NUDT19: variants seen among roughly 807,000 people sequenced by gnomAD.
NUDT19 encodes acyl-coenzyme A diphosphatase NUDT19.
NUDT19 carries 31 observed loss-of-function variants against 22.2 expected under a neutral mutation model. The ratio of observed to expected loss-of-function variants is 1.40; its 90% CI spans 1.05 to 1.89. The LOEUF is 1.89. Among genes scored for constraint, NUDT19 ranks in the 40% most tolerant of loss-of-function variants. The pLI is 0.00. For synonymous variants in NUDT19, 325 were observed against 230.8 expected, an observed-to-expected ratio of 1.41 and a Z score of -3.70; for missense variants, 752 against 514.2, an observed-to-expected ratio of 1.46 and a Z score of -4.47.
chr19:32,713,183 CAG>C lies in NUDT19; in HGVS notation c.*1229_*1230del, dbSNP rs1354277170. 5 of 152,146 alleles carry C rather than the reference CAG, an allele frequency of 3.3e-5. No individual in the cohort carries two copies. The highest frequency in any genetic ancestry group is 6.6e-5 in the Admixed American group (1 of 15,262). 9.4% of individuals were successfully genotyped at this position (152,146 alleles called of 1,614,324 possible). A position where few individuals can be genotyped will look rare whatever the true frequency, so the allele number is the denominator to read the frequency against. On this transcript the variant is annotated 3_prime_UTR_variant, in exon 3 of 3. Transcript: ENST00000397061. ...TATTCTATTTTATTTATTTTTGAGA[CAG>C]AGTCTCGCTCTGTTGCCCAGGCTGG...
chr19:32,693,741 C>G (rs1009234104), intron 1 of NUDT19, among the ~76,000 whole-genome samples: 1 of 152,172 alleles, frequency 6.6e-6, no homozygotes, highest in African/African-American at 2.4e-5. Context: ...ACACAGAGCA[C>G]TGATTGGTGC....
rs1394434163 is a variant in NUDT19 at position 32,711,895 on chromosome 19, G to A, written c.1066G>A (p.Val356Ile). 1.2e-6 allele frequency: 2 copies of A among 1,613,998 alleles called. No homozygotes were observed. Among genetic ancestry groups the A allele is most frequent in the Admixed American group, 3.3e-5 (2 of 60,000 alleles). Residue 356 changes from valine (V) to isoleucine (I), a missense_variant, in exon 3 of 3, where the codon GTT (valine) becomes ATT (isoleucine). Coordinates refer to ENST00000397061, the MANE Select transcript of NUDT19 (RefSeq NM_001105570.2). Reference protein sequence around the residue: ...HRHLYDIHVTVQPKYKHVYPK... With the variant: ...HRHLYDIHVTIQPKYKHVYPK... ...CCACCTTTATGATATCCACGTGACTGTTCAGCCAAAGTATAAACACGTTTA... is the reference window on the plus strand; with the variant it reads ...CCACCTTTATGATATCCACGTGACTATTCAGCCAAAGTATAAACACGTTTA...
chr19:32,708,232 C>G (rs184997831), intron 1 of NUDT19, among the ~76,000 whole-genome samples: 65 of 150,794 alleles, frequency 4.3e-4, no homozygotes, highest in African/African-American at 1.6e-3. Context: ...TCGAGACCAT[C>G]CTGGCTAACA....
intron 1 of NUDT19, among the ~76,000 whole-genome samples, chr19:32,701,685 A>T (rs1041077551): frequency 8.5e-5 from 13 of 152,238 alleles, no homozygotes; most frequent in East Asian, 1.9e-4. Context: ...TTAAAAGTTC[A>T]TGGATTAACT....
intron 1 of NUDT19, among the ~76,000 whole-genome samples, chr19:32,693,578 C>G (rs994072387): frequency 6.6e-6 from 1 of 151,832 alleles, no homozygotes; most frequent in East Asian, 1.9e-4. Flanking sequence ...TGGCCCTGCC[C>G]ATGTCCTGCT....
chr19:32,692,195 C>G lies in NUDT19; in HGVS notation c.235C>G (p.Leu79Val). Residue 79 changes from leucine to valine, a missense_variant, in exon 1 of 3, where the codon CTC (leucine) becomes GTC (valine). By Grantham distance (32) the Leu-to-Val change is conservative (BLOSUM62 1). Coordinates refer to ENST00000397061, the MANE Select transcript of NUDT19 (RefSeq NM_001105570.2). ...CGACCGCTCGGCGGACTGGCTGGGC[C>G]TCTTCGCGCCGCACCACGGGCCGCC... ...AADRSADWLGLFAPHHGPPRF... is the reference protein window; with the variant it reads ...AADRSADWLGVFAPHHGPPRF... 1 of 1,571,950 alleles carries G rather than the reference C, an allele frequency of 6.4e-7. No homozygotes were observed. Among genetic ancestry groups the G allele is most frequent in the South Asian group, 1.1e-5 (1 of 88,190 alleles).
At position 32,691,828 on chromosome 19, in the gene NUDT19, C is replaced by T; in HGVS notation, c.-133C>T. 2.2e-6 allele frequency: 1 copy of T among 456,944 alleles called. No individual in the cohort carries two copies. 28.3% of individuals were successfully genotyped at this position (456,944 alleles called of 1,614,324 possible). On this transcript the variant is annotated 5_prime_UTR_variant, in exon 1 of 3. Transcript: ENST00000397061. ...CAGGCGCCGTTGCCGACCAAACGCC[C>T]AGGTTCACCCAACGCCAGAGGCTCG...
intron 1 of NUDT19, among the ~76,000 whole-genome samples, chr19:32,696,014 A>G (rs1322268307): frequency 1.3e-5 from 2 of 152,138 alleles, no homozygotes; most frequent in African/African-American, 4.8e-5. Flanking sequence ...TTCCATCGGT[A>G]TATAGGTTAA....
At position 32,692,526 on chromosome 19, in the gene NUDT19, C is replaced by G; in HGVS notation, c.566C>G (p.Pro189Arg). ...CTGTGCGCCCACCTCGACTGCACACCCGACATCTGGGCGCTGCACAACTGG... is the reference window on the plus strand; with the variant it reads ...CTGTGCGCCCACCTCGACTGCACACGCGACATCTGGGCGCTGCACAACTGG... ...LRLCAHLDCT[P>R]DIWALHNWSA... Residue 189 changes from proline (P) to arginine (R), a missense_variant, in exon 1 of 3, where the codon CCC becomes CGC. Pro to Arg is a moderately radical substitution (Grantham distance 103). Transcript: ENST00000397061. 1 of 1,584,272 alleles carries G rather than the reference C, an allele frequency of 6.3e-7. No individual in the cohort carries two copies. The highest frequency in any genetic ancestry group is 8.6e-7 in the Non-Finnish European group (1 of 1,168,246).
At chr19:32,701,720 C>G (rs1466615171) in intron 1 of NUDT19, among the ~76,000 whole-genome samples, 2 of 152,142 alleles carry the variant, frequency 1.3e-5, no homozygotes, top group African/African-American at 4.8e-5. Flanking sequence ...AAATATCCTT[C>G]TTTATTCCTG....
chr19:32,711,868 C>T lies in NUDT19; in HGVS notation c.1039C>T (p.Arg347Cys), dbSNP rs372447363. The change falls in exon 3 of 3, where the codon CGC (arginine) becomes TGC (cysteine). Residue 347 changes from arginine to cysteine, a missense_variant. Physicochemically the swap from Arg to Cys is radical, Grantham distance 180. Coordinates refer to ENST00000397061, the MANE Select transcript of NUDT19 (RefSeq NM_001105570.2). ...KQFHRIVTYH[R>C]HLYDIHVTVQ... ...GTTTCACCGGATAGTGACATACCAT[C>T]GCCACCTTTATGATATCCACGTGAC... 1.2e-5 allele frequency: 19 copies of T among 1,613,102 alleles called. No individual in the cohort carries two copies. The highest frequency in any genetic ancestry group is 1.6e-4 in the Middle Eastern group (1 of 6,082).
rs1871369478 is a variant in NUDT19 at position 32,712,245 on chromosome 19, T to TG, written c.*288_*289insG. 3.7e-6 allele frequency: 1 copy of TG among 270,188 alleles called. No homozygotes were observed. Among genetic ancestry groups the TG allele is most frequent in the Admixed American group, 5.0e-5 (1 of 20,124 alleles). 16.7% of individuals were successfully genotyped at this position (270,188 alleles called of 1,614,324 possible). ...GCCCGCCACCATGCCCAGCTAATTT[T>TG]TTTTTGTATTTTTAGTAGAGACGGG... On this transcript the variant is annotated 3_prime_UTR_variant, in exon 3 of 3. Transcript: ENST00000397061.
At chr19:32,699,439 G>T (rs763537461) in intron 1 of NUDT19, among the ~76,000 whole-genome samples, 1 of 152,122 alleles carries the variant, frequency 6.6e-6, no homozygotes, top group South Asian at 2.1e-4. Flanking sequence ...GGCTTTCCTC[G>T]CTGTCGACCC....
chr19:32,707,317 C>T (rs1172611427), intron 1 of NUDT19, among the ~76,000 whole-genome samples: 1 of 152,116 alleles, frequency 6.6e-6, no homozygotes, highest in Non-Finnish European at 1.5e-5. Flanking sequence ...CCATTTTGGC[C>T]ACCTGCAGAA....
Position 32,709,199 on chromosome 19 carries a change from A to G in NUDT19, c.729A>G (p.Ser243=). ...EVVGYQWSSP[S]EATESFLSKE... is the part of the protein sequence containing the mutation. ...GTCTTTCACAGTGGTCATCTCCATCAGAGGCAACTGAAAGTTTCTTATCAA... is the reference window on the plus strand; with the variant it reads ...GTCTTTCACAGTGGTCATCTCCATCGGAGGCAACTGAAAGTTTCTTATCAA... The change falls in exon 2 of 3, where the codon TCA becomes TCG. Residue 243 remains serine (S), a synonymous_variant. Coordinates refer to ENST00000397061, the MANE Select transcript of NUDT19 (RefSeq NM_001105570.2). 6.2e-7 allele frequency: 1 copy of G among 1,612,748 alleles called. No homozygotes were observed.
At position 32,693,608 on chromosome 19, in the gene NUDT19, G is replaced by A. The variant is rs573437622; in HGVS notation, c.714+934G>A. Among the ~76,000 whole-genome samples, 44 of 149,748 alleles carry A rather than the reference G, an allele frequency of 2.9e-4. 1 individual carries two copies. Among genetic ancestry groups the A allele is most frequent in the African/African-American group, 9.7e-4 (40 of 41,430 alleles). ...CCTGCTGATTGGTCCATTTTGCAGA[G>A]TGCTGATTGGTCCATTTTTACAGAG... On this transcript the variant is annotated intron_variant, in intron 1 of 2. Transcript: ENST00000397061.
chr19:32,700,039 C>T (rs939650320), intron 1 of NUDT19, among the ~76,000 whole-genome samples: 2 of 152,192 alleles, frequency 1.3e-5, no homozygotes, highest in African/African-American at 4.8e-5. Flanking sequence ...GTGAGTGTTA[C>T]AGCTCATAAA....
At chr19:32,706,414 G>A (rs1371873343) in intron 1 of NUDT19, among the ~76,000 whole-genome samples, 1 of 152,216 alleles carries the variant, frequency 6.6e-6, no homozygotes, top group East Asian at 1.9e-4. Flanking sequence ...GCTGAGCACG[G>A]TGGCTCATGC....
At position 32,712,252 on chromosome 19, in the gene NUDT19, T is replaced by A. The variant is rs578065216; in HGVS notation, c.*295T>A. The A allele has an allele frequency of 7.6e-6, 2 of 264,666 alleles. No homozygotes were observed. The highest frequency in any genetic ancestry group is 1.9e-4 in the East Asian group (2 of 10,710). The allele number at this position is 264,666 out of a possible 1,614,324, so 16.4% of individuals were successfully genotyped here. On this transcript the variant is annotated 3_prime_UTR_variant, in exon 3 of 3. Transcript: ENST00000397061. ...ACCATGCCCAGCTAATTTTTTTTTG[T>A]ATTTTTAGTAGAGACGGGTTTTCAC...
Sources: gnomAD v4.1 joint callset for allele counts (sites outside exome capture counted in the v4.1 genomes callset) on GRCh38, gnomAD v4.1.1 for gene constraint, MANE v1.5 for transcripts, NCBI Gene and HGNC (gene_info 2026-07-23, HGNC 2026-07-21) for gene names.